SCARA3: variants seen among roughly 807,000 people sequenced by gnomAD.
SCARA3 encodes cellular stress response gene protein.
In SCARA3, 39 loss-of-function variants were observed where a neutral mutation model predicts 47.0. That is an observed-to-expected ratio of 0.83 (90% CI 0.64 to 1.08). The LOEUF is 1.08. SCARA3 is among the 50% of genes least tolerant of loss of function. The pLI, the probability that SCARA3 is intolerant of heterozygous loss-of-function variation, is 0.00. For synonymous variants in SCARA3, 356 were observed against 334.1 expected, an observed-to-expected ratio of 1.07 and a Z score of -0.71; for missense variants, 724 against 792.3, an observed-to-expected ratio of 0.91 and a Z score of 1.04.
rs1802177535 is a variant in SCARA3 at position 27,671,975 on chromosome 8, C to A, written c.*624C>A. 2 of 985,276 alleles carry A rather than the reference C, an allele frequency of 2.0e-6. No individual in the cohort carries two copies. Among genetic ancestry groups the A allele is most frequent in the East Asian group, 1.1e-4 (1 of 8,786 alleles). 61.0% of individuals were successfully genotyped at this position (985,276 alleles called of 1,614,324 possible). On this transcript the variant is annotated 3_prime_UTR_variant, in exon 6 of 6. Transcript: ENST00000301904. Reference sequence around the variant, plus strand: ...GGAAGGTCTCACATCTGTCTCTGGGCACCCATGCTGGCCAGCAGTTTCCCA... The same window carrying A: ...GGAAGGTCTCACATCTGTCTCTGGGAACCCATGCTGGCCAGCAGTTTCCCA...
intron 1 of SCARA3, among the ~76,000 whole-genome samples, chr8:27,645,457 A>AC (rs1168026940): frequency 9.9e-5 from 15 of 152,230 alleles, no homozygotes; most frequent in African/African-American, 3.6e-4. Context: ...GCTTATATGG[A>AC]AAGGTCTTGT....
chr8:27,641,242 G>A (rs1173534680), intron 1 of SCARA3, among the ~76,000 whole-genome samples: 5 of 152,238 alleles, frequency 3.3e-5, no homozygotes, highest in African/African-American at 1.2e-4. Context: ...TTGACAGAGG[G>A]TGCCAGGCTA....
chr8:27,727,952 C>G, the SCARA3 span, among the ~76,000 whole-genome samples: 2 of 152,202 alleles, frequency 1.3e-5, no homozygotes, highest in Non-Finnish European at 2.9e-5. Flanking sequence ...TCCAATCCTA[C>G]TACACCAAGC....
chr8:27,726,775 G>A, the SCARA3 span, among the ~76,000 whole-genome samples: 1 of 151,948 alleles, frequency 6.6e-6, no homozygotes, highest in Non-Finnish European at 1.5e-5. Flanking sequence ...ATTGTGCTTT[G>A]ACAGTATTTA....
At chr8:27,678,853 G>A (rs1430121500), downstream of SCARA3, among the ~76,000 whole-genome samples, 3 of 152,074 alleles carry the variant, frequency 2.0e-5, no homozygotes, top group African/African-American at 4.8e-5. Context: ...ATATAAGTGG[G>A]GTTTATCTCA....
At position 27,672,160 on chromosome 8, in the gene SCARA3, G is replaced by A; in HGVS notation, c.*809G>A. On this transcript the variant is annotated 3_prime_UTR_variant, in exon 6 of 6. Transcript: ENST00000301904. ...TCCCTGTCTGTCACAGCACAGTGGG[G>A]CCACGAGGCTGACATTCTCTGGCCT... is the stretch of plus-strand genomic sequence containing the variant. 3.0e-6 allele frequency: 3 copies of A among 985,474 alleles called. No homozygotes were observed. Among genetic ancestry groups the A allele is most frequent in the Non-Finnish European group, 3.6e-6 (3 of 829,964 alleles). 61.0% of individuals were successfully genotyped at this position (985,474 alleles called of 1,614,324 possible). A position where few individuals can be genotyped will look rare whatever the true frequency, so the allele number is the denominator to read the frequency against.
the SCARA3 span, among the ~76,000 whole-genome samples, chr8:27,699,060 T>C: frequency 6.6e-6 from 1 of 151,804 alleles, no homozygotes; most frequent in East Asian, 1.9e-4. Flanking sequence ...CTGGCTAACA[T>C]GGTGAAACCC....
chr8:27,701,755 CTATTA>C, the SCARA3 span: 3 of 152,152 alleles, frequency 2.0e-5, no homozygotes, highest in Non-Finnish European at 3.0e-5. Context: ...TGTGCACCCT[CTATTA>C]TATCACTCGT....
the SCARA3 span, chr8:27,703,670 T>C: frequency 2.6e-5 from 4 of 152,124 alleles, no homozygotes; most frequent in African/African-American, 9.7e-5. Context: ...GGGCTTGAAC[T>C]ACAAACCCAG....
chr8:27,648,579 G>A (rs1373100651), intron 1 of SCARA3, among the ~76,000 whole-genome samples: 1 of 152,016 alleles, frequency 6.6e-6, no homozygotes, highest in Admixed American at 6.6e-5. Context: ...AATCCAGCCT[G>A]GGCGACACAG....
At chr8:27,674,559 C>G (rs952257726), downstream of SCARA3, among the ~76,000 whole-genome samples, 1 of 152,126 alleles carries the variant, frequency 6.6e-6, no homozygotes, top group African/African-American at 2.4e-5. Flanking sequence ...TTTTCTGGAA[C>G]TTTCCAGGGC....
At chr8:27,708,325 G>T in the SCARA3 span, among the ~76,000 whole-genome samples, 5 of 152,070 alleles carry the variant, frequency 3.3e-5, no homozygotes, top group African/African-American at 1.2e-4. Flanking sequence ...AAAACAAAAA[G>T]CTACAAAGGA....
At chr8:27,721,391 T>C in the SCARA3 span, among the ~76,000 whole-genome samples, 2 of 152,110 alleles carry the variant, frequency 1.3e-5, no homozygotes, top group Non-Finnish European at 1.5e-5. Context: ...ACATTTCAGG[T>C]CTTATGGAAC....
At chr8:27,717,915 A>G in the SCARA3 span, among the ~76,000 whole-genome samples, 4,906 of 151,980 alleles carry the variant, frequency 0.032, 261 homozygotes, top group African/African-American at 0.11. Context: ...TCTGTCTGAA[A>G]CCTTCCTTGT....
chr8:27,689,680 G>A, the SCARA3 span, among the ~76,000 whole-genome samples: 1 of 152,266 alleles, frequency 6.6e-6, no homozygotes, highest in South Asian at 2.1e-4. Context: ...GTCCTTGCAG[G>A]GCCCCAGGTC....
At chr8:27,717,083 A>G in the SCARA3 span, among the ~76,000 whole-genome samples, 1 of 152,228 alleles carries the variant, frequency 6.6e-6, no homozygotes, top group African/African-American at 2.4e-5. Context: ...AGGAATCCCC[A>G]AGGACCTGCT....
chr8:27,649,725 G>A lies in SCARA3; in HGVS notation c.31G>A (p.Asp11Asn). The A allele has an allele frequency of 6.2e-7, 1 of 1,614,178 alleles. No homozygotes were observed. The highest frequency in any genetic ancestry group is 8.5e-7 in the Non-Finnish European group (1 of 1,180,040). The change falls in exon 2 of 6, where the codon GAT becomes AAT. Residue 11 changes from aspartate to asparagine, a missense_variant. Coordinates refer to ENST00000301904, the MANE Select transcript of SCARA3 (RefSeq NM_016240.3). ...AGTGAGGTCGGCCGGCGGCGATGGA[G>A]ATGCCTTGTGCGTTACAGAAGAGGA... MKVRSAGGDG[D>N]ALCVTEEDLA...
Position 27,658,954 on chromosome 8 carries a change from T to C in SCARA3, c.784T>C (p.Phe262Leu), listed in dbSNP as rs1801824775. ...CGACTGGCAGAACTACACACGGCTC[T>C]TCAGCGGCCTGCGCACCACCTCCAC... ...VTDWQNYTRL[F>L]SGLRTTSTKT... is the part of the protein sequence containing the mutation. The change falls in exon 5 of 6, where the codon TTC (phenylalanine) becomes CTC (leucine). Residue 262 changes from phenylalanine (F) to leucine (L), a missense_variant. Coordinates refer to ENST00000301904, the MANE Select transcript of SCARA3 (RefSeq NM_016240.3). 4.3e-6 allele frequency: 7 copies of C among 1,613,992 alleles called. No individual in the cohort carries two copies. The highest frequency in any genetic ancestry group is 1.3e-5 in the African/African-American group (1 of 74,892).
chr8:27,710,621 A>G, the SCARA3 span, among the ~76,000 whole-genome samples: 1 of 152,208 alleles, frequency 6.6e-6, no homozygotes, highest in Non-Finnish European at 1.5e-5. Flanking sequence ...GAAGAAATCC[A>G]TAATATCATC....
Sources: allele counts gnomAD v4.1 joint callset (sites outside exome capture counted in the v4.1 genomes callset), GRCh38; gene constraint gnomAD v4.1.1; transcripts MANE v1.5; gene names NCBI Gene and HGNC (gene_info 2026-07-23, HGNC 2026-07-21).